DLG2: variants seen among roughly 807,000 people sequenced by gnomAD.
DLG2 encodes the protein disks large homolog 2.
A neutral mutation model predicts 132.5 loss-of-function variants in DLG2; 45 were observed. The observed-to-expected ratio is 0.34, with a 90% CI of 0.27 to 0.44. The LOEUF is 0.44. Ranked by LOEUF, DLG2 falls within the 20% of genes least tolerant of loss-of-function variation. The pLI, the probability that DLG2 is intolerant of heterozygous loss-of-function variation, is 1.00. For synonymous variants in DLG2, 424 were observed against 419.6 expected (o/e 1.01, Z -0.13); for missense variants, 1,045 against 1,196.9 (o/e 0.87, Z 1.87).
chr11:84,857,355 A>C (rs1027458746), intron 6 of DLG2, among the ~76,000 whole-genome samples: 2 of 151,974 alleles, frequency 1.3e-5, no homozygotes, highest in African/African-American at 4.8e-5. Flanking sequence ...TCAAGGCAAC[A>C]CATGATTATG....
chr11:85,333,197 G>C (rs1243955001), intron 3 of DLG2, among the ~76,000 whole-genome samples: 1 of 151,898 alleles, frequency 6.6e-6, no homozygotes, highest in Non-Finnish European at 1.5e-5. Flanking sequence ...TCATTATTTT[G>C]TGGCTATTGT....
At position 83,456,014 on chromosome 11, in the gene DLG2, C is replaced by T. The variant is rs1591139728; in HGVS notation, c.*3804G>A. On this transcript the variant is annotated 3_prime_UTR_variant, in exon 28 of 28. Coordinates refer to ENST00000376104, the MANE Select transcript of DLG2 (RefSeq NM_001142699.3). ...ACCAGAGCAATCACCAGCTGAAAAG[C>T]AGAGGGGGCTTCACATAAAAATGGG... 6.6e-6 allele frequency: 1 copy of T among 152,586 alleles called. No individual in the cohort carries two copies. The highest frequency in any genetic ancestry group is 1.5e-5 in the Non-Finnish European group (1 of 68,078). 9.5% of individuals were successfully genotyped at this position (152,586 alleles called of 1,614,324 possible).
At chr11:84,035,139 C>T (rs2095827006) in intron 11 of DLG2, among the ~76,000 whole-genome samples, 1 of 152,076 alleles carries the variant, frequency 6.6e-6, no homozygotes, top group Admixed American at 6.6e-5. Flanking sequence ...TTTCTGTCCG[C>T]TAAGCCAAGG....
At chr11:84,879,553 G>A (rs968505808) in intron 6 of DLG2, among the ~76,000 whole-genome samples, 1 of 152,106 alleles carries the variant, frequency 6.6e-6, no homozygotes, top group Non-Finnish European at 1.5e-5. Context: ...GACAGGGTCA[G>A]AGGAAAAGCA....
chr11:84,552,312 T>G (rs1565278520), intron 6 of DLG2, among the ~76,000 whole-genome samples: 1 of 152,152 alleles, frequency 6.6e-6, no homozygotes, highest in Non-Finnish European at 1.5e-5. Flanking sequence ...CCAACTTTCC[T>G]TTCTCTGCTT....
chr11:83,478,700 T>TGAAA (rs984974814), intron 22 of DLG2, among the ~76,000 whole-genome samples: 1 of 152,056 alleles, frequency 6.6e-6, no homozygotes, highest in Non-Finnish European at 1.5e-5. Flanking sequence ...TTAAAAGAAC[T>TGAAA]GAAAGATAAA....
intron 7 of DLG2, among the ~76,000 whole-genome samples, chr11:84,450,673 T>A (rs1279075544): frequency 6.6e-6 from 1 of 151,794 alleles, no homozygotes; most frequent in Non-Finnish European, 1.5e-5. Flanking sequence ...TTTCTTAATG[T>A]CCTAGACTGA....
intron 6 of DLG2, among the ~76,000 whole-genome samples, chr11:84,828,202 A>G (rs993038079): frequency 5.9e-5 from 9 of 151,796 alleles, no homozygotes; most frequent in African/African-American, 1.9e-4. Flanking sequence ...GTCATTAGGT[A>G]AAACAGACAG....
intron 19 of DLG2, among the ~76,000 whole-genome samples, chr11:83,579,178 A>C (rs953701514): frequency 2.0e-5 from 3 of 152,184 alleles, no homozygotes; most frequent in Admixed American, 6.5e-5. Flanking sequence ...GGTAAGCAAA[A>C]TTCTTAATGT....
intron 7 of DLG2, among the ~76,000 whole-genome samples, chr11:84,421,989 G>A (rs115128213): frequency 0.013 from 1,911 of 152,258 alleles, 51 homozygotes; most frequent in African/African-American, 0.042. Flanking sequence ...ATTGTGTTGA[G>A]TCTAGAGACC....
chr11:84,145,874 C>T (rs142439111), intron 9 of DLG2, among the ~76,000 whole-genome samples: 3 of 152,288 alleles, frequency 2.0e-5, no homozygotes, highest in Admixed American at 1.3e-4. Flanking sequence ...GTTTACTAGG[C>T]ACTTCTCATT....
At chr11:84,129,609 T>A (rs1454683877) in intron 9 of DLG2, among the ~76,000 whole-genome samples, 1 of 152,074 alleles carries the variant, frequency 6.6e-6, no homozygotes, top group Non-Finnish European at 1.5e-5. Flanking sequence ...AAGAAGTATA[T>A]AGTTGCTTTT....
chr11:85,427,949 A>G (rs970690461), intron 3 of DLG2, among the ~76,000 whole-genome samples: 66 of 152,210 alleles, frequency 4.3e-4, no homozygotes, highest in Non-Finnish European at 3.2e-4. Flanking sequence ...AAGGAAATGG[A>G]AAACAAAAAA....
intron 6 of DLG2, among the ~76,000 whole-genome samples, chr11:84,976,430 T>TA (rs1275240227): frequency 6.6e-6 from 1 of 152,170 alleles, no homozygotes; most frequent in Non-Finnish European, 1.5e-5. Context: ...GTACTTGTGA[T>TA]AATAAATCAT....
intron 6 of DLG2, among the ~76,000 whole-genome samples, chr11:84,789,828 C>A (rs1017342415): frequency 6.6e-6 from 1 of 152,074 alleles, no homozygotes; most frequent in Non-Finnish European, 1.5e-5. Flanking sequence ...AAAGTGAGAC[C>A]ATGCTAAGGT....
intron 6 of DLG2, among the ~76,000 whole-genome samples, chr11:85,110,319 G>A (rs2072502476): frequency 6.6e-6 from 1 of 152,026 alleles, no homozygotes; most frequent in Admixed American, 6.6e-5. Flanking sequence ...TGGGGAGGCT[G>A]AGGCACAAGA....
At chr11:83,644,251 G>A (rs941003167) in intron 18 of DLG2, among the ~76,000 whole-genome samples, 2 of 152,110 alleles carry the variant, frequency 1.3e-5, no homozygotes, top group Admixed American at 6.6e-5. Context: ...CTAACTGATG[G>A]AGTGAGGCTG....
intron 6 of DLG2, among the ~76,000 whole-genome samples, chr11:85,052,630 G>A (rs149789469): frequency 1.3e-5 from 2 of 152,308 alleles, no homozygotes; most frequent in African/African-American, 4.8e-5. Context: ...ATAAGCACTA[G>A]AGTCATTAAC....
intron 6 of DLG2, among the ~76,000 whole-genome samples, chr11:84,637,285 C>T (rs1489264419): frequency 1.3e-5 from 2 of 152,136 alleles, no homozygotes; most frequent in Non-Finnish European, 2.9e-5. Context: ...TCCCAACAGC[C>T]CCAGGCTGTG....
Sources: gnomAD v4.1 joint callset for allele counts (sites outside exome capture counted in the v4.1 genomes callset) on GRCh38, gnomAD v4.1.1 for gene constraint, MANE v1.5 for transcripts, NCBI Gene and HGNC (gene_info 2026-07-23, HGNC 2026-07-21) for gene names.